KIFAP3: variants seen among roughly 807,000 people sequenced by gnomAD.
KIFAP3 encodes the protein kinesin associated protein 3.
A neutral mutation model predicts 106.5 loss-of-function variants in KIFAP3; 68 were observed. The observed-to-expected ratio is 0.64, with a 90% CI of 0.53 to 0.78. The LOEUF (loss-of-function observed/expected upper bound fraction) is 0.78, where lower values mean the gene tolerates loss of function less well. KIFAP3 is among the 30% of genes least tolerant of loss of function. KIFAP3 has a pLI of 0.00. For synonymous variants in KIFAP3, 320 were observed against 311.5 expected, an observed-to-expected ratio of 1.03 and a Z score of -0.29; for missense variants, 780 against 941.8, an observed-to-expected ratio of 0.83 and a Z score of 2.25.
chr1:170,081,304 G>A (rs977309513), intron 1 of KIFAP3, among the ~76,000 whole-genome samples: 1 of 152,138 alleles, frequency 6.6e-6, no homozygotes, highest in African/African-American at 2.4e-5. Context: ...AACTTTATTA[G>A]TTATCATGGA....
intron 14 of KIFAP3, 72 bp from the exon 15 acceptor site, chr1:169,982,169 T>A: frequency 2.1e-6 from 3 of 1,401,724 alleles, no homozygotes; most frequent in Non-Finnish European, 3.0e-6. Flanking sequence ...TATCAAAATG[T>A]AAATACACAG....
rs1670282887 is a variant in KIFAP3, at chr1:170,046,840, T to A, written c.191A>T (p.Asn64Ile). 2 of 1,608,564 alleles carry A rather than the reference T, an allele frequency of 1.2e-6. No homozygotes were observed. Among genetic ancestry groups the A allele is most frequent in the Non-Finnish European group, 1.7e-6 (2 of 1,177,378 alleles). Residue 64 changes from asparagine (N) to isoleucine (I), a missense_variant, in exon 3 of 20, where the codon AAC becomes ATC. By Grantham distance (149) the Asn-to-Ile change is moderately radical (BLOSUM62 -3). This residue lies in a region of KIFAP3 where 588 missense variants were observed against 678.9 expected (regional missense o/e 0.87). Transcript: ENST00000361580. ...KIIRLKSLNA[N>I]TDITSLARKV... ...CCTTGCCAGGGAAGTTATATCTGTGTTGGCATTGAGACTCTTAAGTCGAAT... is the reference window on the plus strand; with the variant it reads ...CCTTGCCAGGGAAGTTATATCTGTGATGGCATTGAGACTCTTAAGTCGAAT...
intron 1 of KIFAP3, among the ~76,000 whole-genome samples, chr1:170,063,716 T>C (rs1449161095): frequency 6.6e-6 from 1 of 152,178 alleles, no homozygotes; most frequent in Non-Finnish European, 1.5e-5. Context: ...TACTGAGCTA[T>C]TTTTACATCG....
chr1:169,972,451 C>T, intron 17 of KIFAP3, 62 bp downstream of exon 17: 1 of 834,178 alleles, frequency 1.2e-6, no homozygotes, highest in African/African-American at 1.7e-5. Flanking sequence ...AATAGGTTTA[C>T]AATGACTTTC....
At chr1:170,024,335 A>G in intron 9 of KIFAP3, 83 bp downstream of exon 9, 1 of 806,474 alleles carries the variant, frequency 1.2e-6, no homozygotes. Flanking sequence ...CGGTAGGGGA[A>G]TAAAGTGTTT....
intron 17 of KIFAP3, among the ~76,000 whole-genome samples, chr1:169,968,494 GTTTA>G (rs1264841213): frequency 6.6e-6 from 1 of 151,696 alleles, no homozygotes. Context: ...CTGTAATATG[GTTTA>G]TTTAATATAA....
intron 10 of KIFAP3, among the ~76,000 whole-genome samples, chr1:170,002,530 C>A (rs992871679): frequency 1.3e-5 from 2 of 152,136 alleles, no homozygotes; most frequent in Non-Finnish European, 2.9e-5. Context: ...GCCAGCCATG[C>A]AAACTGGCAC....
chr1:170,056,159 A>G (rs767838484), intron 1 of KIFAP3, among the ~76,000 whole-genome samples: 6 of 152,132 alleles, frequency 3.9e-5, no homozygotes, highest in Non-Finnish European at 7.4e-5. Context: ...TAACTGGACC[A>G]AAAGACACGA....
chr1:169,947,640 A>G (rs1664508115), intron 19 of KIFAP3, among the ~76,000 whole-genome samples: 1 of 152,048 alleles, frequency 6.6e-6, no homozygotes, highest in South Asian at 2.1e-4. Flanking sequence ...CAAATCTGTT[A>G]TAATGTTTTA....
Position 170,074,579 on chromosome 1 carries a change from A to C in KIFAP3, c.-112T>G. On this transcript the variant is annotated 5_prime_UTR_variant, in exon 1 of 20. Transcript: ENST00000361580. ...ACACCCAGAGGCGATGACAGTCCTGAGGCCTGCAAGGCGGGGCAGCAGCGG... is the reference window on the plus strand; with the variant it reads ...ACACCCAGAGGCGATGACAGTCCTGCGGCCTGCAAGGCGGGGCAGCAGCGG... 3.2e-6 allele frequency: 5 copies of C among 1,567,452 alleles called. No homozygotes were observed. The South Asian group carries it at 4.7e-5, about 15-fold the overall frequency.
intron 11 of KIFAP3, chr1:169,990,308 T>A (rs1360236267): frequency 2.8e-6 from 1 of 363,342 alleles, no homozygotes; most frequent in African/African-American, 2.2e-5. Flanking sequence ...TGTCTGTTGG[T>A]TGTACAGAAG....
At chr1:170,007,325 C>A (rs1668015448) in intron 10 of KIFAP3, among the ~76,000 whole-genome samples, 2 of 149,440 alleles carry the variant, frequency 1.3e-5, no homozygotes, top group South Asian at 4.2e-4. Flanking sequence ...GGGAGATGGG[C>A]AGATAGGGAA....
intron 11 of KIFAP3, among the ~76,000 whole-genome samples, chr1:169,991,645 C>T (rs1480596937): frequency 6.6e-6 from 1 of 151,942 alleles, no homozygotes; most frequent in Non-Finnish European, 1.5e-5. Flanking sequence ...AGAATTTAAA[C>T]TAAAGAAAAA....
intron 10 of KIFAP3, among the ~76,000 whole-genome samples, chr1:170,006,582 G>T (rs1667976152): frequency 6.6e-6 from 1 of 152,120 alleles, no homozygotes; most frequent in African/African-American, 2.4e-5. Flanking sequence ...GAGCTGACTG[G>T]ATTCCTAAGA....
intron 18 of KIFAP3, among the ~76,000 whole-genome samples, chr1:169,955,157 C>T (rs1664940782): frequency 6.6e-6 from 1 of 152,084 alleles, no homozygotes; most frequent in Non-Finnish European, 1.5e-5. Flanking sequence ...TGCAGATAAA[C>T]ATTAGCTAGG....
chr1:170,003,450 G>A (rs886199635), intron 10 of KIFAP3, among the ~76,000 whole-genome samples: 1 of 152,188 alleles, frequency 6.6e-6, no homozygotes, highest in East Asian at 1.9e-4. Context: ...CTACTGGGGG[G>A]TGCCTCCCAG....
chr1:170,004,310 G>A (rs897008275), intron 10 of KIFAP3, among the ~76,000 whole-genome samples: 20 of 152,074 alleles, frequency 1.3e-4, no homozygotes, highest in Admixed American at 1.0e-3. Flanking sequence ...CAATGCCATC[G>A]CCATCAAGCT....
At chr1:170,032,521 A>C (rs954565703) in intron 7 of KIFAP3, among the ~76,000 whole-genome samples, 1 of 151,756 alleles carries the variant, frequency 6.6e-6, no homozygotes, top group African/African-American at 2.4e-5. Flanking sequence ...AACAAATTTT[A>C]AAAATCACAT....
At chr1:169,968,982 G>C (rs1190400486) in intron 17 of KIFAP3, among the ~76,000 whole-genome samples, 2 of 151,846 alleles carry the variant, frequency 1.3e-5, no homozygotes, top group Non-Finnish European at 2.9e-5. Context: ...CTATAAAAGA[G>C]GGCTGACTAA....
Sources: allele counts gnomAD v4.1 joint callset (sites outside exome capture counted in the v4.1 genomes callset), GRCh38; gene constraint gnomAD v4.1.1; regional missense constraint gnomAD v4.1.1; transcripts MANE v1.5; gene names NCBI Gene and HGNC (gene_info 2026-07-23, HGNC 2026-07-21).